PSMA1: variants seen among roughly 807,000 people sequenced by gnomAD.
PSMA1 encodes proteasome 20S subunit alpha 1.
In PSMA1, 3 loss-of-function variants were observed where a neutral mutation model predicts 38.4. That is an observed-to-expected ratio of 0.08 (90% CI 0.04 to 0.20). The LOEUF is 0.20. PSMA1 is among the 10% of genes least tolerant of loss of function. The probability of loss-of-function intolerance (pLI) is 1.00; values close to 1 mark genes in which losing one functional copy is unlikely to be tolerated. For synonymous variants in PSMA1, 101 were observed against 107.1 expected (o/e 0.94, Z 0.35); for missense variants, 227 against 325.3 (o/e 0.70, Z 2.32).
intron 2 of PSMA1, among the ~76,000 whole-genome samples, chr11:14,577,314 G>T (rs1207964037): frequency 6.6e-6 from 1 of 152,138 alleles, no homozygotes; most frequent in African/African-American, 2.4e-5. Context: ...TAAGTAATCT[G>T]CTCATGGTTG....
At chr11:14,588,502 C>A (rs1023545178) in intron 2 of PSMA1, among the ~76,000 whole-genome samples, 3 of 152,002 alleles carry the variant, frequency 2.0e-5, no homozygotes, top group African/African-American at 7.3e-5. Flanking sequence ...CCAACTGTAA[C>A]TTAAGAAAGA....
intron 2 of PSMA1, among the ~76,000 whole-genome samples, chr11:14,548,082 AT>A (rs1851846624): frequency 6.6e-6 from 1 of 152,148 alleles, no homozygotes; most frequent in Non-Finnish European, 1.5e-5. Context: ...GATAGCAAAA[AT>A]AATAGCTGAT....
chr11:14,643,659 T>C (rs1299731769), upstream of PSMA1: 1 of 147,588 alleles, frequency 6.8e-6, no homozygotes, highest in Non-Finnish European at 1.5e-5. Context: ...GCGGGACAAG[T>C]CGTGAGCGCG....
At chr11:14,596,684 C>T (rs1391106098) in intron 2 of PSMA1, among the ~76,000 whole-genome samples, 3 of 152,232 alleles carry the variant, frequency 2.0e-5, no homozygotes, top group Non-Finnish European at 4.4e-5. Context: ...ATCATGTCAT[C>T]TGCAAACAGG....
At chr11:14,640,259 T>C (rs886274548) in intron 1 of PSMA1, among the ~76,000 whole-genome samples, 16 of 151,976 alleles carry the variant, frequency 1.1e-4, no homozygotes, top group African/African-American at 3.9e-4. Context: ...AGGAAGACTG[T>C]AAGAGAGAGA....
chr11:14,598,303 T>A (rs913977830), intron 2 of PSMA1, among the ~76,000 whole-genome samples: 1 of 152,192 alleles, frequency 6.6e-6, no homozygotes, highest in South Asian at 2.1e-4. Flanking sequence ...TGGATATGCT[T>A]GTTAACTTTC....
intron 1 of PSMA1, among the ~76,000 whole-genome samples, chr11:14,630,626 CT>C (rs1200209718): frequency 6.6e-6 from 1 of 151,302 alleles, no homozygotes; most frequent in Non-Finnish European, 1.5e-5. Flanking sequence ...CTAAAATTCT[CT>C]TTTTTTGTTG....
At chr11:14,622,437 T>C (rs1030823706) in intron 1 of PSMA1, among the ~76,000 whole-genome samples, 1 of 152,208 alleles carries the variant, frequency 6.6e-6, no homozygotes, top group African/African-American at 2.4e-5. Flanking sequence ...ATTATGCTGA[T>C]TGTTTAGAAT....
At chr11:14,626,145 T>C (rs1424728392) in intron 1 of PSMA1, among the ~76,000 whole-genome samples, 1 of 151,856 alleles carries the variant, frequency 6.6e-6, no homozygotes, top group African/African-American at 2.4e-5. Context: ...CTTTTTTTTT[T>C]TCCCTATTTA....
intron 1 of PSMA1, among the ~76,000 whole-genome samples, chr11:14,636,817 T>C (rs1853117971): frequency 6.6e-6 from 1 of 152,240 alleles, no homozygotes; most frequent in African/African-American, 2.4e-5. Context: ...TCTATGGAAC[T>C]GATCAGAAAG....
chr11:14,511,971 T>TA (rs1851351798), intron 7 of PSMA1, among the ~76,000 whole-genome samples: 1 of 152,170 alleles, frequency 6.6e-6, no homozygotes, highest in Non-Finnish European at 1.5e-5. Context: ...CAATGAATAA[T>TA]ATGCAATGAA....
chr11:14,613,694 C>T (rs1852736237), intron 1 of PSMA1, among the ~76,000 whole-genome samples: 1 of 152,124 alleles, frequency 6.6e-6, no homozygotes, highest in Non-Finnish European at 1.5e-5. Flanking sequence ...TAGTGAAACC[C>T]TATACCTGTG....
Position 14,534,129 on chromosome 11 carries a change from C to T in PSMA1, c.22-15088G>A, listed in dbSNP as rs965974865. The stretch of plus-strand genomic sequence containing the variant: ...CCAGGAGGTGGAGGTTGCAGTGAGC[C>T]GAAATTGTGCCACTGCACTCCAGAC... On this transcript the variant is annotated intron_variant, in intron 2 of 10. Transcript: ENST00000418988. This position sits in a 1 kb window ranked among gnomAD's most constrained non-coding sequence, Gnocchi z 4.5. 2.6e-5 allele frequency among the ~76,000 whole-genome samples: 4 copies of T among 151,840 alleles called. No homozygotes were observed. Among genetic ancestry groups the T allele is most frequent in the Non-Finnish European group, 4.4e-5 (3 of 67,970 alleles).
chr11:14,613,850 T>G (rs1565058554), intron 1 of PSMA1, among the ~76,000 whole-genome samples: 1 of 152,234 alleles, frequency 6.6e-6, no homozygotes, highest in Non-Finnish European at 1.5e-5. Flanking sequence ...GTAGACCATT[T>G]GTAATTCTCT....
intron 2 of PSMA1, among the ~76,000 whole-genome samples, chr11:14,540,323 G>A (rs1851759860): frequency 6.6e-6 from 1 of 152,136 alleles, no homozygotes; most frequent in South Asian, 2.1e-4. Flanking sequence ...CCTCCCAGTT[G>A]GATCCAGTCC....
At chr11:14,607,790 C>T (rs1428231100) in intron 2 of PSMA1, among the ~76,000 whole-genome samples, 1 of 152,162 alleles carries the variant, frequency 6.6e-6, no homozygotes, top group Admixed American at 6.5e-5. Context: ...ATGGAAAATC[C>T]TTCAGCCAAA....
At chr11:14,642,505 G>A (rs1853224991) in intron 1 of PSMA1, among the ~76,000 whole-genome samples, 1 of 152,228 alleles carries the variant, frequency 6.6e-6, no homozygotes, top group Non-Finnish European at 1.5e-5. Context: ...TGCTATGCAT[G>A]TGAACTATGA....
intron 5 of PSMA1, chr11:14,514,155 T>G (rs920352936): frequency 1.5e-6 from 2 of 1,339,546 alleles, no homozygotes; most frequent in African/African-American, 3.0e-5. Context: ...TCTTGGGACA[T>G]CTAGAACCAT....
chr11:14,519,235 AAGC>A, intron 1 of PSMA1, 194 bp from the exon 2 acceptor site: 1 of 643,520 alleles, frequency 1.6e-6, no homozygotes, highest in Non-Finnish European at 2.9e-6. Flanking sequence ...GGAGAGGGAG[AAGC>A]AGATCTAAAT....
Sources: gnomAD v4.1 joint callset for allele counts (sites outside exome capture counted in the v4.1 genomes callset) on GRCh38, gnomAD v4.1.1 for gene constraint, Gnocchi (gnomAD v3.1) non-coding constraint, MANE v1.5 for transcripts, NCBI Gene and HGNC (gene_info 2026-07-23, HGNC 2026-07-21) for gene names.